KCNIP4: variants seen among roughly 807,000 people sequenced by gnomAD.
KCNIP4 encodes the protein Kv channel-interacting protein 4.
KCNIP4 carries 12 observed loss-of-function variants against 34.0 expected under a neutral mutation model. The ratio of observed to expected loss-of-function variants is 0.35; its 90% confidence interval spans 0.23 to 0.57. KCNIP4 has a LOEUF of 0.57. Among genes scored for constraint, KCNIP4 ranks in the 20% least tolerant of loss-of-function variants. The probability of loss-of-function intolerance (pLI) is 0.83; values close to 1 mark genes in which losing one functional copy is unlikely to be tolerated. For missense variants in KCNIP4, 238 were observed against 311.7 expected (o/e 0.76, Z 1.78); for synonymous variants, 124 against 102.2 (o/e 1.21, Z -1.29).
chr4:21,568,921 A>G (rs1376700596), intron 1 of KCNIP4, among the ~76,000 whole-genome samples: 1 of 152,076 alleles, frequency 6.6e-6, no homozygotes, highest in Non-Finnish European at 1.5e-5. Context: ...GTGAAGATGA[A>G]GGAAAAACTC....
intron 3 of KCNIP4, among the ~76,000 whole-genome samples, chr4:20,789,832 G>A: frequency 6.6e-6 from 1 of 151,614 alleles, no homozygotes; most frequent in East Asian, 1.9e-4. Context: ...TAAATCATGA[G>A]CTGAATCAAT....
chr4:21,482,546 T>C (rs536800188), intron 1 of KCNIP4, among the ~76,000 whole-genome samples: 5 of 152,120 alleles, frequency 3.3e-5, no homozygotes, highest in Admixed American at 3.3e-4. Flanking sequence ...GTCTGTAAAG[T>C]ATTTTATTTC....
intron 1 of KCNIP4, among the ~76,000 whole-genome samples, chr4:20,904,394 G>A (rs1727509000): frequency 6.6e-6 from 1 of 150,386 alleles, no homozygotes; most frequent in East Asian, 1.9e-4. Flanking sequence ...AGTTATATGG[G>A]CATAAAAATT....
intron 2 of KCNIP4, among the ~76,000 whole-genome samples, chr4:20,868,134 G>A (rs928493646): frequency 2.6e-5 from 4 of 151,900 alleles, no homozygotes; most frequent in African/African-American, 9.7e-5. Flanking sequence ...ATACAGTAGG[G>A]AACTTAAATC....
At chr4:21,042,940 A>T (rs914025288) in intron 1 of KCNIP4, among the ~76,000 whole-genome samples, 2 of 152,230 alleles carry the variant, frequency 1.3e-5, no homozygotes, top group African/African-American at 4.8e-5. Flanking sequence ...AAAGGGGAGC[A>T]ATCAGAGTTC....
chr4:21,289,648 T>C (rs1763320201), intron 1 of KCNIP4, among the ~76,000 whole-genome samples: 1 of 152,214 alleles, frequency 6.6e-6, no homozygotes, highest in African/African-American at 2.4e-5. Flanking sequence ...AGCCATTTAA[T>C]GGAATCTTTG....
At chr4:20,793,395 A>G (rs1713029565) in intron 3 of KCNIP4, among the ~76,000 whole-genome samples, 1 of 152,178 alleles carries the variant, frequency 6.6e-6, no homozygotes, top group African/African-American at 2.4e-5. Flanking sequence ...TGTGAATGAG[A>G]TTGGCAAGGA....
chr4:21,117,068 T>C (rs898045471), intron 1 of KCNIP4, among the ~76,000 whole-genome samples: 1 of 152,122 alleles, frequency 6.6e-6, no homozygotes, highest in African/African-American at 2.4e-5. Context: ...CCAAACCCCT[T>C]GAGGTAGTTG....
chr4:21,129,604 T>C (rs981224964), intron 1 of KCNIP4, among the ~76,000 whole-genome samples: 2 of 152,226 alleles, frequency 1.3e-5, no homozygotes, highest in African/African-American at 4.8e-5. Context: ...TTTACCTGGC[T>C]TACATATAGT....
At chr4:20,821,141 C>T (rs74789440) in intron 3 of KCNIP4, among the ~76,000 whole-genome samples, 2,631 of 152,246 alleles carry the variant, frequency 0.017, 82 homozygotes, top group African/African-American at 0.06. Flanking sequence ...AAGCCATGGA[C>T]GGGTCTTCCC....
rs560534843 is a variant in KCNIP4 at position 20,779,586 on chromosome 4, C to CA, written c.289-20697_289-20696insT. ...CCCCCCTGCCCCACAACCCCCCCCCCCCACACAAAAAAGAAATGAAAACAA... is the reference window on the plus strand; with the variant it reads ...CCCCCCTGCCCCACAACCCCCCCCCCACCACACAAAAAAGAAATGAAAACAA... On this transcript the variant is annotated intron_variant, in intron 3 of 8. Transcript: ENST00000382152. 2.7e-4 allele frequency among the ~76,000 whole-genome samples: 37 copies of CA among 135,146 alleles called. 1 individual carries two copies. The highest frequency in any genetic ancestry group is 1.2e-3 in the South Asian group (5 of 4,196). 88.7% of individuals were successfully genotyped at this position (135,146 alleles called of 152,430 possible).
intron 4 of KCNIP4, chr4:20,752,888 G>T (rs1753890904): frequency 6.6e-6 from 1 of 152,188 alleles, no homozygotes; most frequent in Non-Finnish European, 1.5e-5. Context: ...ATAAATATTT[G>T]TTAAAAGAGT....
chr4:20,970,455 G>A (rs761657562), intron 1 of KCNIP4, among the ~76,000 whole-genome samples: 1 of 152,030 alleles, frequency 6.6e-6, no homozygotes. Flanking sequence ...ATATATAAAG[G>A]CTTACAAATT....
At chr4:21,650,738 A>T (rs1419677600) in intron 1 of KCNIP4, among the ~76,000 whole-genome samples, 2 of 152,192 alleles carry the variant, frequency 1.3e-5, no homozygotes, top group African/African-American at 4.8e-5. Flanking sequence ...AACTCCAGAC[A>T]TGAAATAACT....
rs909205765 is a variant in KCNIP4, at chr4:20,729,322, A to G, written c.*760T>C. ...CTTCAACTTCCACTTAATGATTGAT[A>G]CTAATGATTGATACAATAGAAAACA... On this transcript the variant is annotated 3_prime_UTR_variant, in exon 9 of 9. Coordinates refer to ENST00000382152, the MANE Select transcript of KCNIP4 (RefSeq NM_025221.6). 1 of 151,462 alleles carries G rather than the reference A, an allele frequency of 6.6e-6. No individual in the cohort carries two copies. Among genetic ancestry groups the G allele is most frequent in the Non-Finnish European group, 1.5e-5 (1 of 67,958 alleles). 9.4% of individuals were successfully genotyped at this position (151,462 alleles called of 1,614,324 possible).
chr4:21,379,261 A>G (rs1721251889), intron 1 of KCNIP4, among the ~76,000 whole-genome samples: 1 of 152,226 alleles, frequency 6.6e-6, no homozygotes, highest in African/African-American at 2.4e-5. Flanking sequence ...CCTTCAAAAT[A>G]TATTCAAAAT....
intron 1 of KCNIP4, among the ~76,000 whole-genome samples, chr4:21,120,651 A>C (rs1309040960): frequency 1.3e-5 from 2 of 152,136 alleles, no homozygotes; most frequent in African/African-American, 4.8e-5. Context: ...CTCTCATGAG[A>C]GTTCACTCAC....
chr4:21,434,765 T>TG (rs754344317), intron 1 of KCNIP4, among the ~76,000 whole-genome samples: 2,108 of 106,748 alleles, frequency 0.02, 26 homozygotes, highest in Middle Eastern at 0.027. Flanking sequence ...ACCCTGTCTG[T>TG]GGGGGGAAAA....
At chr4:21,945,319 G>C (rs543982070) in intron 1 of KCNIP4, among the ~76,000 whole-genome samples, 2 of 152,266 alleles carry the variant, frequency 1.3e-5, no homozygotes, top group East Asian at 3.9e-4. Context: ...CCTGGGGAGA[G>C]AGGGTGGCTG....
Sources: allele counts gnomAD v4.1 joint callset (sites outside exome capture counted in the v4.1 genomes callset), GRCh38; gene constraint gnomAD v4.1.1; transcripts MANE v1.5; gene names NCBI Gene and HGNC (gene_info 2026-07-23, HGNC 2026-07-21).